Variants in SLC4A5 observed in about 807,000 individuals in gnomAD.
SLC4A5 encodes the protein electrogenic sodium bicarbonate cotransporter 4.
Under a neutral mutation model 120.4 loss-of-function variants are expected in SLC4A5, and 96 were observed. The ratio of observed to expected loss-of-function variants is 0.80; its 90% confidence interval spans 0.68 to 0.94. SLC4A5 has a LOEUF of 0.94. Among genes scored for constraint, SLC4A5 ranks in the 40% least tolerant of loss-of-function variants. SLC4A5 has a pLI of 0.00. For missense variants in SLC4A5, 1,259 were observed against 1,459.5 expected, an observed-to-expected ratio of 0.86 and a Z score of 2.24; for synonymous variants, 550 against 571.1, an observed-to-expected ratio of 0.96 and a Z score of 0.53.
At chr2:74,328,249 G>C in intron 4 of SLC4A5, 63 bp from the exon 5 acceptor site, 1 of 955,050 alleles carries the variant, frequency 1.0e-6, no homozygotes. Flanking sequence ...GGGCATTGGA[G>C]ATTGACTTCT....
chr2:74,248,459 C>T (rs537545905), exon 18 of SLC4A5: 18 of 1,614,034 alleles, frequency 1.1e-5, no homozygotes, highest in African/African-American at 2.7e-5. Context: ...CCAGCCATGG[C>T]AGTGCCCAGG....
At chr2:74,328,726 A>C (rs1673278278) in intron 4 of SLC4A5, among the ~76,000 whole-genome samples, 3 of 152,168 alleles carry the variant, frequency 2.0e-5, no homozygotes, top group Admixed American at 6.5e-5. Flanking sequence ...TAATGTCTCC[A>C]ACTTTTAAGT....
intron 28 of SLC4A5, among the ~76,000 whole-genome samples, chr2:74,223,927 C>G (rs141934896): frequency 9.1e-4 from 138 of 152,176 alleles, no homozygotes; most frequent in African/African-American, 2.9e-3. Flanking sequence ...GGCAAAATCA[C>G]GAGAACAGGA....
In SLC4A5 at chr2:74,221,353, G is replaced by A. The variant is rs563756929; in HGVS notation, c.*33+81C>T. ...TTCTACTGAGAGGACAGCTAGCTTGGGAAATCCTAGACCCTCCACCTTCCC... is the reference window on the plus strand; with the variant it reads ...TTCTACTGAGAGGACAGCTAGCTTGAGAAATCCTAGACCCTCCACCTTCCC... On this transcript the variant is annotated intron_variant, in intron 30 of 30. Coordinates refer to ENST00000394019, the Ensembl canonical transcript of SLC4A5. 1.6e-5 allele frequency: 17 copies of A among 1,093,594 alleles called. No individual in the cohort carries two copies. In the African/African-American group the frequency reaches 2.5e-4, roughly 16 times the overall value. The allele number at this position is 1,093,594 out of a possible 1,614,324, so 67.7% of individuals were successfully genotyped here.
At chr2:74,326,138 TA>T (rs1673211585) in intron 5 of SLC4A5, among the ~76,000 whole-genome samples, 3 of 152,036 alleles carry the variant, frequency 2.0e-5, no homozygotes. Flanking sequence ...ATTTGATGTT[TA>T]AAAAAATAAA....
At chr2:74,223,294 C>T (rs901745589) in intron 28 of SLC4A5, among the ~76,000 whole-genome samples, 2 of 152,126 alleles carry the variant, frequency 1.3e-5, no homozygotes, top group Admixed American at 6.5e-5. Context: ...TGTGAGCCAC[C>T]GCGCGTGGCC....
At position 74,264,131 on chromosome 2, in the gene SLC4A5, G is replaced by A. The variant is rs778080321; in HGVS notation, c.715+16C>T. ...CCCTGCATGTCCCATGCCTACCAGC[G>A]TAAGGCCTGACTCACTTGTGGTGGA... On this transcript the variant is annotated intron_variant, in intron 10 of 30. Coordinates refer to ENST00000394019, the Ensembl canonical transcript of SLC4A5. The A allele has an allele frequency of 3.0e-5, 48 of 1,611,230 alleles. No individual in the cohort carries two copies. In the South Asian group the frequency reaches 3.6e-4, roughly 12 times the overall value.
At chr2:74,264,960 AGCAACAGAG>A in intron 9 of SLC4A5, 135 bp downstream of exon 9, 2 of 886,610 alleles carry the variant, frequency 2.3e-6, no homozygotes, top group Non-Finnish European at 3.4e-6. Flanking sequence ...CTGCCCTGGG[AGCAACAGAG>A]TCAAAGCTGG....
At chr2:74,238,950 C>T (rs914964704) in intron 21 of SLC4A5, among the ~76,000 whole-genome samples, 15 of 152,212 alleles carry the variant, frequency 9.9e-5, no homozygotes, top group Non-Finnish European at 2.2e-4. Flanking sequence ...ATATAACAAA[C>T]TCTTGCAAAT....
At chr2:74,336,436 T>C (rs1457235019) in intron 3 of SLC4A5, among the ~76,000 whole-genome samples, 3 of 152,140 alleles carry the variant, frequency 2.0e-5, no homozygotes, top group African/African-American at 7.2e-5. Context: ...TCACATGACT[T>C]TGGGCAAGTT....
intron 7 of SLC4A5, chr2:74,290,596 GAGAGAC>G: frequency 1.0e-6 from 1 of 975,714 alleles, no homozygotes; most frequent in Non-Finnish European, 1.2e-6. Flanking sequence ...CTGAGAGAGA[GAGAGAC>G]AGAGAGAGAG....
intron 5 of SLC4A5, among the ~76,000 whole-genome samples, chr2:74,318,456 G>C (rs956280175): frequency 6.6e-6 from 1 of 152,060 alleles, no homozygotes; most frequent in Non-Finnish European, 1.5e-5. Context: ...AGGCAGAGGT[G>C]GGGGGGATGG....
chr2:74,251,718 G>C (rs1224895638), intron 16 of SLC4A5, among the ~76,000 whole-genome samples: 1 of 152,204 alleles, frequency 6.6e-6, no homozygotes, highest in Non-Finnish European at 1.5e-5. Context: ...AGAGCCGGGG[G>C]TGATGCGGCT....
chr2:74,295,462 C>T (rs1281420730), intron 7 of SLC4A5, among the ~76,000 whole-genome samples: 6 of 151,834 alleles, frequency 4.0e-5, no homozygotes, highest in East Asian at 1.9e-4. Flanking sequence ...GGTGAAACCC[C>T]GCCTCTGATA....
chr2:74,319,593 A>G (rs750951595), intron 5 of SLC4A5: 1 of 152,098 alleles, frequency 6.6e-6, no homozygotes, highest in Non-Finnish European at 1.5e-5. Flanking sequence ...AAACCCAATT[A>G]GTTGTACTCC....
intron 30 of SLC4A5, among the ~76,000 whole-genome samples, chr2:74,219,603 T>G (rs1694560120): frequency 6.6e-6 from 1 of 152,192 alleles, no homozygotes; most frequent in South Asian, 2.1e-4. Context: ...TTACCAAAGT[T>G]TCTTCATTTC....
At chr2:74,268,160 C>G (rs1025618213) in intron 8 of SLC4A5, among the ~76,000 whole-genome samples, 2 of 152,046 alleles carry the variant, frequency 1.3e-5, no homozygotes, top group Non-Finnish European at 2.9e-5. Context: ...GCCTAGCACA[C>G]AAGATACACT....
chr2:74,250,517 C>T, exon 17 of SLC4A5: 1 of 1,614,200 alleles, frequency 6.2e-7, no homozygotes, highest in Non-Finnish European at 8.5e-7. Context: ...CACCGAAGAA[C>T]CTGCTCAAGA....
chr2:74,302,596 A>T (rs1487012532), intron 7 of SLC4A5, among the ~76,000 whole-genome samples: 2 of 152,240 alleles, frequency 1.3e-5, no homozygotes, highest in Non-Finnish European at 2.9e-5. Context: ...TAGCCTGGGC[A>T]ACAGAATGAG....
Sources: gnomAD v4.1 joint callset for allele counts (sites outside exome capture counted in the v4.1 genomes callset) on GRCh38, gnomAD v4.1.1 for gene constraint, MANE v1.5 for transcripts, NCBI Gene and HGNC (gene_info 2026-07-23, HGNC 2026-07-21) for gene names.